The following CREBBP variants were observed in gnomAD, a reference collection of about 807,000 sequenced individuals.
The protein encoded by CREBBP is CREB-binding protein.
Under a neutral mutation model 265.0 loss-of-function variants are expected in CREBBP, and 19 were observed. The observed-to-expected ratio is 0.07, with a 90% CI of 0.05 to 0.11. The LOEUF is 0.11. CREBBP is among the 10% of genes least tolerant of loss of function. The pLI, the probability that CREBBP is intolerant of heterozygous loss-of-function variation, is 1.00. For synonymous variants in CREBBP, 1,457 were observed against 1,223.7 expected (o/e 1.19, Z -3.98); for missense variants, 2,525 against 3,219.0 (o/e 0.78, Z 5.22).
At chr16:3,732,370 G>C (rs1311073262) in intron 28 of CREBBP, among the ~76,000 whole-genome samples, 1 of 152,096 alleles carries the variant, frequency 6.6e-6, no homozygotes, top group Non-Finnish European at 1.5e-5. Context: ...GATGGGAAAA[G>C]CAGCTGCCCC....
rs2053252255 is a variant in CREBBP at position 3,780,641 on chromosome 16, G to T, written c.1823+91C>A. On this transcript the variant is annotated intron_variant, in intron 8 of 30. Coordinates refer to ENST00000262367, the MANE Select transcript of CREBBP (RefSeq NM_004380.3). ...GGCTCCCTAAATAAGCACGTGACTT[G>T]TATAGGCTCCTAGGGTACTGTCATC... 3.6e-6 allele frequency: 5 copies of T among 1,396,130 alleles called. No individual in the cohort carries two copies. In the East Asian group the frequency reaches 1.2e-4, roughly 33 times the overall value. The allele number at this position is 1,396,130 out of a possible 1,614,324, so 86.5% of individuals were successfully genotyped here. A position where few individuals can be genotyped will look rare whatever the true frequency, so the allele number is the denominator to read the frequency against.
At chr16:3,771,131 C>T (rs1003740548) in intron 13 of CREBBP, 145 bp from the exon 14 acceptor site, 35 of 841,282 alleles carry the variant, frequency 4.2e-5, no homozygotes, top group Admixed American at 6.2e-5. Flanking sequence ...TGCAATGGTG[C>T]GATCTCGGCT....
intron 4 of CREBBP, 25 bp downstream of exon 4, chr16:3,793,361 T>C (rs763933542): frequency 6.2e-7 from 1 of 1,613,552 alleles, no homozygotes; most frequent in Non-Finnish European, 8.5e-7. Context: ...CCTCTACCAC[T>C]AGGAGTTCCA....
chr16:3,870,774 C>T (rs558127785), intron 1 of CREBBP, among the ~76,000 whole-genome samples: 8 of 152,252 alleles, frequency 5.3e-5, no homozygotes, highest in African/African-American at 1.9e-4. Flanking sequence ...AATATTTTCC[C>T]ATACAATTAA....
chr16:3,867,750 T>C (rs1287921561), intron 1 of CREBBP, among the ~76,000 whole-genome samples: 2 of 136,142 alleles, frequency 1.5e-5, no homozygotes, highest in African/African-American at 5.6e-5. Context: ...AGACCCCGTA[T>C]CTCTACTAAA....
intron 1 of CREBBP, among the ~76,000 whole-genome samples, chr16:3,859,523 G>A (rs771241249): frequency 1.3e-5 from 2 of 152,184 alleles, no homozygotes; most frequent in African/African-American, 2.4e-5. Context: ...CTCACGAATT[G>A]ACTGATGGCT....
At chr16:3,793,163 A>C (rs1320033381) in intron 4 of CREBBP, among the ~76,000 whole-genome samples, 2 of 152,252 alleles carry the variant, frequency 1.3e-5, no homozygotes, top group East Asian at 3.8e-4. Flanking sequence ...AGAAGTTCAC[A>C]GAGTATCAGA....
intron 1 of CREBBP, among the ~76,000 whole-genome samples, chr16:3,867,728 G>A (rs550344837): frequency 2.0e-5 from 3 of 146,708 alleles, no homozygotes; most frequent in South Asian, 4.3e-4. Flanking sequence ...GACCAGCCTA[G>A]GCAACATAGG....
At chr16:3,798,225 T>C (rs939916895) in intron 3 of CREBBP, among the ~76,000 whole-genome samples, 2 of 152,238 alleles carry the variant, frequency 1.3e-5, no homozygotes, top group African/African-American at 4.8e-5. Flanking sequence ...AATCGTACCA[T>C]TCACAGAAGA....
At chr16:3,818,736 CAG>C (rs1252473858) in intron 2 of CREBBP, among the ~76,000 whole-genome samples, 1 of 152,186 alleles carries the variant, frequency 6.6e-6, no homozygotes, top group East Asian at 1.9e-4. Flanking sequence ...GCAGACCACT[CAG>C]AGGAAGTGGG....
At chr16:3,797,191 C>T (rs1041838300) in intron 3 of CREBBP, among the ~76,000 whole-genome samples, 3 of 152,066 alleles carry the variant, frequency 2.0e-5, no homozygotes, top group Admixed American at 1.3e-4. Flanking sequence ...ACAAAGCCAT[C>T]GTGGTGGAAG....
At chr16:3,856,479 G>C (rs1306126675) in intron 1 of CREBBP, among the ~76,000 whole-genome samples, 1 of 152,008 alleles carries the variant, frequency 6.6e-6, no homozygotes, top group African/African-American at 2.4e-5. Flanking sequence ...AGGCTTGCCA[G>C]CTAATTAAAA....
At chr16:3,806,030 C>T (rs1277602262) in intron 3 of CREBBP, among the ~76,000 whole-genome samples, 2 of 152,188 alleles carry the variant, frequency 1.3e-5, no homozygotes, top group African/African-American at 4.8e-5. Context: ...GATTGTGAAT[C>T]GGGAGGACTG....
At chr16:3,750,289 G>C (rs2052444245) in intron 20 of CREBBP, among the ~76,000 whole-genome samples, 1 of 152,172 alleles carries the variant, frequency 6.6e-6, no homozygotes, top group Admixed American at 6.5e-5. Flanking sequence ...TGAAAATGTA[G>C]AATTTCAGTC....
chr16:3,796,003 A>T (rs1476713342), intron 3 of CREBBP, among the ~76,000 whole-genome samples: 3 of 152,156 alleles, frequency 2.0e-5, no homozygotes, highest in Non-Finnish European at 4.4e-5. Context: ...AAGAAGGCCC[A>T]CATCCTGTAT....
At position 3,731,617 on chromosome 16, in the gene CREBBP, G is replaced by A; in HGVS notation, c.4891-144C>T. On this transcript the variant is annotated intron_variant, in intron 29 of 30. Coordinates refer to ENST00000262367, the MANE Select transcript of CREBBP (RefSeq NM_004380.3). The surrounding 1 kb of genome is among the most constrained non-coding windows in gnomAD (Gnocchi z 7.7). ...TGATGCCTTGGGATGGAACAAAATTGGTGACACGTTGCATGATGTCACCCA... is the reference window on the plus strand; with the variant it reads ...TGATGCCTTGGGATGGAACAAAATTAGTGACACGTTGCATGATGTCACCCA... 1 of 1,394,086 alleles carries A rather than the reference G, an allele frequency of 7.2e-7. No homozygotes were observed. 86.4% of individuals were successfully genotyped at this position (1,394,086 alleles called of 1,614,324 possible). A position where few individuals can be genotyped will look rare whatever the true frequency, so the allele number is the denominator to read the frequency against.
intron 1 of CREBBP, among the ~76,000 whole-genome samples, chr16:3,854,443 A>AC (rs940626439): frequency 6.6e-6 from 1 of 152,182 alleles, no homozygotes; most frequent in African/African-American, 2.4e-5. Context: ...GAGTGATGCA[A>AC]CCCTAGTACT....
chr16:3,743,371 G>C (rs563752170), intron 23 of CREBBP: 1 of 152,256 alleles, frequency 6.6e-6, no homozygotes, highest in Non-Finnish European at 1.5e-5. Context: ...GGCAGTGTAA[G>C]CTATTGCATA....
rs773118274 is a variant in CREBBP, at chr16:3,729,077, G to A, written c.5970C>T (p.Thr1990=). ...TCACGGGGGCCATCTGGCTCCCCGG[G>A]GTCCCCATGCCCGTGCGTCCTGGGG... ...SMPPGRTGMG[T]PGSQMAPVSL... is the part of the protein sequence containing the mutation. Residue 1990 remains threonine (T), a synonymous_variant, in exon 31 of 31, where the codon ACC becomes ACT. Coordinates refer to ENST00000262367, the MANE Select transcript of CREBBP (RefSeq NM_004380.3). 9.5e-6 allele frequency: 15 copies of A among 1,584,634 alleles called. No homozygotes were observed. The Admixed American group carries it at 1.7e-4, about 18-fold the overall frequency.
Sources: allele counts gnomAD v4.1 joint callset (sites outside exome capture counted in the v4.1 genomes callset), GRCh38; gene constraint gnomAD v4.1.1; non-coding constraint Gnocchi (gnomAD v3.1); transcripts MANE v1.5; gene names NCBI Gene and HGNC (gene_info 2026-07-23, HGNC 2026-07-21).